PLEKHG6: variants seen among roughly 807,000 people sequenced by gnomAD.
PLEKHG6 encodes pleckstrin homology and RhoGEF domain containing G6.
PLEKHG6 carries 91 observed loss-of-function variants against 97.5 expected under a neutral mutation model. The observed-to-expected ratio is 0.93, with a 90% confidence interval of 0.79 to 1.11. PLEKHG6 has a LOEUF of 1.11. Among genes scored for constraint, PLEKHG6 ranks in the 50% most tolerant of loss-of-function variants. The probability of loss-of-function intolerance (pLI) is 0.00; values close to 1 mark genes in which losing one functional copy is unlikely to be tolerated. For missense variants in PLEKHG6, 1,044 were observed against 1,031.0 expected (o/e 1.01, Z -0.17); for synonymous variants, 466 against 425.5 (o/e 1.10, Z -1.17).
intron 13 of PLEKHG6, among the ~76,000 whole-genome samples, chr12:6,322,244 G>C (rs1199844861): frequency 6.6e-6 from 1 of 152,242 alleles, no homozygotes; most frequent in Non-Finnish European, 1.5e-5. Flanking sequence ...TGCTTCCTCA[G>C]TGAGGTGGCT....
Position 6,317,789 on chromosome 12 carries a change from T to C in PLEKHG6, c.1018-68T>C. 6 of 1,551,364 alleles carry C rather than the reference T, an allele frequency of 3.9e-6. No individual in the cohort carries two copies. The South Asian group carries it at 7.1e-5, about 18-fold the overall frequency. The stretch of plus-strand genomic sequence containing the variant: ...TGTCTGTGACAGTGTGGCGCTGTGC[T>C]GTGGCTGGCATTGGTTGGGAGGGGA... On this transcript the variant is annotated intron_variant, in intron 9 of 15. Transcript: ENST00000684764.
intron 13 of PLEKHG6, among the ~76,000 whole-genome samples, chr12:6,320,031 A>G (rs535523079): frequency 3.9e-5 from 6 of 152,212 alleles, no homozygotes; most frequent in Non-Finnish European, 8.8e-5. Flanking sequence ...ATGGAGGAGC[A>G]GAACGTGCAA....
chr12:6,317,886 C>T lies in PLEKHG6; in HGVS notation c.1047C>T (p.His349=), dbSNP rs1468603. 905,325 of 1,555,870 alleles carry T rather than the reference C, an allele frequency of 0.58. 272,249 individuals carry two copies. Among genetic ancestry groups the T allele is most frequent in the Non-Finnish European group, 0.63 (720,442 of 1,149,018 alleles). The change falls in exon 10 of 16, where the codon CAC becomes CAT. Residue 349 remains histidine, a synonymous_variant. Transcript: ENST00000684764. ...MIEAVESFLR[H]INGQVRQGEE... is the part of the protein sequence containing the mutation. Reference sequence around the variant, plus strand: ...AAGCCGTGGAGTCATTCCTGCGACACATCAATGGGCAGGTCCGCCAGGGCG... The same window carrying T: ...AAGCCGTGGAGTCATTCCTGCGACATATCAATGGGCAGGTCCGCCAGGGCG...
rs1422087936 is a variant in PLEKHG6, at chr12:6,321,686, G to A, written c.1524+2578G>A. On this transcript the variant is annotated intron_variant, in intron 13 of 15. Transcript: ENST00000684764. Reference sequence around the variant, plus strand: ...CTAAAAAAGACAAAAAATTAGCCGGGCGCGGTGGCGGGCACCTGTAGTCCC... The same window carrying A: ...CTAAAAAAGACAAAAAATTAGCCGGACGCGGTGGCGGGCACCTGTAGTCCC... 2.0e-5 allele frequency among the ~76,000 whole-genome samples: 3 copies of A among 151,926 alleles called. No individual in the cohort carries two copies. The East Asian group carries it at 5.8e-4, about 29-fold the overall frequency.
chr12:6,326,641 A>C lies in PLEKHG6; in HGVS notation c.1670+68A>C, dbSNP rs1670740755. On this transcript the variant is annotated intron_variant, in intron 14 of 15. Coordinates refer to ENST00000684764, the MANE Select transcript of PLEKHG6 (RefSeq NM_001384598.1). ...GGGAGCCATAAGGCTGAGAAATGGCATTACTGCACATTTTTGGTGGAATTG... is the reference window on the plus strand; with the variant it reads ...GGGAGCCATAAGGCTGAGAAATGGCCTTACTGCACATTTTTGGTGGAATTG... 3.0e-6 allele frequency: 4 copies of C among 1,332,712 alleles called. No homozygotes were observed. The East Asian group carries it at 1.1e-4, about 38-fold the overall frequency. 82.6% of individuals were successfully genotyped at this position (1,332,712 alleles called of 1,614,324 possible).
At position 6,318,763 on chromosome 12, in the gene PLEKHG6, C is replaced by G. The variant is rs753164351; in HGVS notation, c.1294C>G (p.Leu432Val). ...CCCCCAGCTGGACGTGTACCTGTTC[C>G]TCTTCTCTGATGTGCTCCTTGTGAC... ...REGKLDVYLF[L>V]FSDVLLVTKP... The change falls in exon 12 of 16, where the codon CTC (leucine) becomes GTC (valine). Residue 432 changes from leucine (L) to valine (V), a missense_variant. Transcript: ENST00000684764. 1.2e-6 allele frequency: 2 copies of G among 1,614,008 alleles called. No homozygotes were observed. Among genetic ancestry groups the G allele is most frequent in the African/African-American group, 2.7e-5 (2 of 74,908 alleles).
intron 3 of PLEKHG6, 42 bp from the exon 4 acceptor site, chr12:6,314,963 C>A: frequency 6.3e-7 from 1 of 1,592,052 alleles, no homozygotes; most frequent in Non-Finnish European, 8.6e-7. Context: ...GGCTGGGTGC[C>A]AAGGATGTGA....
At chr12:6,326,682 A>T in intron 14 of PLEKHG6, 109 bp downstream of exon 14, 1 of 1,087,746 alleles carries the variant, frequency 9.2e-7, no homozygotes, top group Non-Finnish European at 1.2e-6. Context: ...AGATAGAGGA[A>T]CGCAGGCGTA....
Position 6,312,568 on chromosome 12 carries a change from CAGGAGAGG to C in PLEKHG6, c.138+205_138+212del, listed in dbSNP as rs1434502089. On this transcript the variant is annotated intron_variant, in intron 2 of 15. Coordinates refer to ENST00000684764, the MANE Select transcript of PLEKHG6 (RefSeq NM_001384598.1). ...TCACACCCCAGTCCCAGCAGCTGGG[CAGGAGAGG>C]CGGAGCCAGGAGAAGCCAGGCCCTC... The C allele has an allele frequency of 3.3e-6, 4 of 1,215,560 alleles. No individual in the cohort carries two copies. In the African/African-American group the frequency reaches 6.4e-5, roughly 19 times the overall value. The allele number at this position is 1,215,560 out of a possible 1,614,324, so 75.3% of individuals were successfully genotyped here.
chr12:6,313,724 G>A lies in PLEKHG6; in HGVS notation c.234G>A (p.Glu78=). 5 of 1,611,822 alleles carry A rather than the reference G, an allele frequency of 3.1e-6. No individual in the cohort carries two copies. Among genetic ancestry groups the A allele is most frequent in the Non-Finnish European group, 4.2e-6 (5 of 1,179,082 alleles). The change falls in exon 3 of 16, where the codon GAG becomes GAA. Residue 78 remains glutamate (E), a synonymous_variant. Transcript: ENST00000684764. ...GLSPMRLRDP[E]PEKRHGGHVG... is the part of the protein sequence containing the mutation. ...CACCCATGAGACTGCGAGATCCAGAGCCCGAGAAGAGGCACGGGGGCCATG... is the reference window on the plus strand; with the variant it reads ...CACCCATGAGACTGCGAGATCCAGAACCCGAGAAGAGGCACGGGGGCCATG...
chr12:6,319,138 G>A (rs922626536), intron 13 of PLEKHG6, 30 bp downstream of exon 13: 9 of 1,472,062 alleles, frequency 6.1e-6, no homozygotes, highest in Non-Finnish European at 8.5e-6. Flanking sequence ...GGGGAGGCAT[G>A]GGCAGGGGTC....
chr12:6,314,405 G>GCTT (rs1448270779), intron 3 of PLEKHG6, among the ~76,000 whole-genome samples: 1 of 152,148 alleles, frequency 6.6e-6, no homozygotes, highest in Non-Finnish European at 1.5e-5. Context: ...TATTAAGGAG[G>GCTT]CTGAAGCAGG....
rs144263066 is a variant in PLEKHG6, at chr12:6,318,751, G to A, written c.1282G>A (p.Val428Met). Residue 428 changes from valine to methionine, a missense_variant, in exon 12 of 16, where the codon GTG becomes ATG. Physicochemically the swap from Val to Met is conservative, Grantham distance 21. Transcript: ENST00000684764. Reference sequence around the variant, plus strand: ...CCTACGCCCCCACCCCCAGCTGGACGTGTACCTGTTCCTCTTCTCTGATGT... The same window carrying A: ...CCTACGCCCCCACCCCCAGCTGGACATGTACCTGTTCCTCTTCTCTGATGT... ...VKEGREGKLD[V>M]YLFLFSDVLL... 8.4e-5 allele frequency: 136 copies of A among 1,613,722 alleles called. No individual in the cohort carries two copies. Among genetic ancestry groups the A allele is most frequent in the Admixed American group, 1.2e-4 (7 of 60,000 alleles).
chr12:6,320,591 G>A (rs968044105), intron 13 of PLEKHG6, among the ~76,000 whole-genome samples: 1 of 152,130 alleles, frequency 6.6e-6, no homozygotes. Context: ...ACAAAGATGT[G>A]AGTATTAGAT....
chr12:6,328,022 A>G (rs529147085), intron 15 of PLEKHG6, 76 bp downstream of exon 15: 567 of 1,572,664 alleles, frequency 3.6e-4, no homozygotes, highest in Middle Eastern at 5.0e-4. Context: ...TAGTATAGAA[A>G]GAGGGCAAAG....
At chr12:6,325,501 A>T (rs1352437437) in intron 13 of PLEKHG6, among the ~76,000 whole-genome samples, 1 of 152,174 alleles carries the variant, frequency 6.6e-6, no homozygotes, top group Non-Finnish European at 1.5e-5. Flanking sequence ...GAAATCGCTG[A>T]GGGAGGGAGA....
At chr12:6,326,168 G>A (rs553449388) in intron 13 of PLEKHG6, among the ~76,000 whole-genome samples, 6 of 152,228 alleles carry the variant, frequency 3.9e-5, no homozygotes, top group Admixed American at 6.5e-5. Context: ...AGCCGGGCAC[G>A]TTGGCGGGCG....
chr12:6,316,895 A>C lies in PLEKHG6; in HGVS notation c.757-408A>C, dbSNP rs948314731. ...GAGAGGTAGGCGTACTGCCCCTGGG[A>C]GCCTTAGGTACCCCCTCCATAGGAG... On this transcript the variant is annotated intron_variant, in intron 7 of 15. Coordinates refer to ENST00000684764, the MANE Select transcript of PLEKHG6 (RefSeq NM_001384598.1). The surrounding 1 kb of genome is among the most constrained non-coding windows in gnomAD (Gnocchi z 4.1). Among the ~76,000 whole-genome samples the C allele has an allele frequency of 6.6e-6, 1 of 152,106 alleles. No homozygotes were observed. Among genetic ancestry groups the C allele is most frequent in the Non-Finnish European group, 1.5e-5 (1 of 68,002 alleles).
At chr12:6,327,173 T>C in intron 14 of PLEKHG6, 81 bp from the exon 15 acceptor site, 1 of 838,250 alleles carries the variant, frequency 1.2e-6, no homozygotes, top group Non-Finnish European at 1.9e-6. Flanking sequence ...GGAGGGGCCA[T>C]TTCTGGATGT....
Sources: gnomAD v4.1 joint callset for allele counts (sites outside exome capture counted in the v4.1 genomes callset) on GRCh38, gnomAD v4.1.1 for gene constraint, Gnocchi (gnomAD v3.1) non-coding constraint, MANE v1.5 for transcripts, NCBI Gene and HGNC (gene_info 2026-07-23, HGNC 2026-07-21) for gene names.